The following CCDC141 variants were observed in gnomAD, a reference collection of about 807,000 sequenced individuals.
CCDC141 encodes coiled-coil domain-containing protein 141.
In CCDC141, 168 loss-of-function variants were observed where a neutral mutation model predicts 181.0. That is an observed-to-expected ratio of 0.93 (90% CI 0.82 to 1.05). The LOEUF (loss-of-function observed/expected upper bound fraction) is 1.05. Ranked by LOEUF, CCDC141 falls within the 50% of genes least tolerant of loss-of-function variation. The pLI, the probability that CCDC141 is intolerant of heterozygous loss-of-function variation, is 0.00. For synonymous variants in CCDC141, 666 were observed against 642.3 expected, an observed-to-expected ratio of 1.04 and a Z score of -0.56; for missense variants, 1,902 against 1,788.5, an observed-to-expected ratio of 1.06 and a Z score of -1.14.
At chr2:179,044,052 C>T (rs2043401453) in intron 2 of CCDC141, among the ~76,000 whole-genome samples, 1 of 152,146 alleles carries the variant, frequency 6.6e-6, no homozygotes, top group Admixed American at 6.5e-5. Context: ...AACTCCCATT[C>T]ACAATTGCCA....
rs534855692 is a variant in CCDC141 at position 178,834,447 on chromosome 2, C to A, written c.4326-7G>T. 6 of 1,534,124 alleles carry A rather than the reference C, an allele frequency of 3.9e-6. No individual in the cohort carries two copies. The highest frequency in any genetic ancestry group is 4.4e-6 in the Non-Finnish European group (5 of 1,145,142). On this transcript the variant is annotated splice_region_variant and splice_polypyrimidine_tract_variant and intron_variant, in intron 23 of 23. Coordinates refer to ENST00000443758, the MANE Select transcript of CCDC141 (RefSeq NM_173648.4). ...TTTCTGGCCCTTCTTGTACCTGAAG[C>A]AGAGAGGCAGTTTTTAAAGTCAGGA...
At chr2:178,921,799 C>T (rs980292795) in intron 6 of CCDC141, among the ~76,000 whole-genome samples, 2 of 152,136 alleles carry the variant, frequency 1.3e-5, no homozygotes, top group Non-Finnish European at 2.9e-5. Context: ...CTTTCTGTTT[C>T]GTTCTTTGTT....
intron 14 of CCDC141, among the ~76,000 whole-genome samples, chr2:178,869,653 G>C (rs1241534509): frequency 6.6e-6 from 1 of 152,178 alleles, no homozygotes; most frequent in Non-Finnish European, 1.5e-5. Flanking sequence ...GATTATCTCT[G>C]ATATTTAATA....
chr2:178,851,826 A>G (rs1685177003), intron 20 of CCDC141, among the ~76,000 whole-genome samples: 1 of 152,212 alleles, frequency 6.6e-6, no homozygotes, highest in Non-Finnish European at 1.5e-5. Context: ...TATAACAGCC[A>G]CAGCTCTTAG....
At chr2:178,919,306 T>A (rs1233326995) in intron 6 of CCDC141, among the ~76,000 whole-genome samples, 6 of 152,230 alleles carry the variant, frequency 3.9e-5, no homozygotes, top group Non-Finnish European at 8.8e-5. Flanking sequence ...ATTCAGAGAA[T>A]ATTTAGATAT....
chr2:178,853,541 C>T lies in CCDC141; in HGVS notation c.3144G>A (p.Val1048=). The T allele has an allele frequency of 6.2e-7, 1 of 1,614,130 alleles. No individual in the cohort carries two copies. The highest frequency in any genetic ancestry group is 8.5e-7 in the Non-Finnish European group (1 of 1,179,996). Reference sequence around the variant, plus strand: ...TATTAAACTGCTGGTGGAGAATTTTCACAGCTTCCTTTGTCTTGCACTCTG... The same window carrying T: ...TATTAAACTGCTGGTGGAGAATTTTTACAGCTTCCTTTGTCTTGCACTCTG... The part of the protein sequence containing the change: ...YSTECKTKEA[V]KILHQQFNKF... The change falls in exon 20 of 24, where the codon GTG becomes GTA. Residue 1048 remains valine, a synonymous_variant. Transcript: ENST00000443758.
At chr2:178,897,494 A>G (rs1224164602) in intron 8 of CCDC141, among the ~76,000 whole-genome samples, 1 of 152,234 alleles carries the variant, frequency 6.6e-6, no homozygotes, top group African/African-American at 2.4e-5. Flanking sequence ...ATGAAGATCT[A>G]CATTAAGAAG....
At chr2:178,894,945 T>C (rs905552111) in intron 8 of CCDC141, among the ~76,000 whole-genome samples, 2 of 152,184 alleles carry the variant, frequency 1.3e-5, no homozygotes, top group African/African-American at 4.8e-5. Context: ...TTTGAGATTA[T>C]TTGGAAAACA....
chr2:178,862,193 T>C (rs1258277660), intron 17 of CCDC141, among the ~76,000 whole-genome samples: 3 of 152,242 alleles, frequency 2.0e-5, no homozygotes, highest in African/African-American at 7.2e-5. Flanking sequence ...GGAACATATA[T>C]ACTAAGTCCT....
chr2:179,021,485 C>T (rs913021747), intron 2 of CCDC141, among the ~76,000 whole-genome samples: 6 of 152,218 alleles, frequency 3.9e-5, no homozygotes, highest in African/African-American at 4.8e-5. Context: ...ACAGCTGTCC[C>T]GAGTGGAAAT....
intron 2 of CCDC141, among the ~76,000 whole-genome samples, chr2:179,015,071 T>G (rs548700843): frequency 0.01 from 242 of 23,706 alleles, 12 homozygotes; most frequent in South Asian, 0.025. Flanking sequence ...GACAGAGATA[T>G]ATATATATAT....
At position 178,872,304 on chromosome 2, in the gene CCDC141, C is replaced by A. The variant is rs776225756; in HGVS notation, c.1908G>T (p.Glu636Asp). 2 of 1,605,318 alleles carry A rather than the reference C, an allele frequency of 1.2e-6. No homozygotes were observed. The highest frequency in any genetic ancestry group is 1.1e-5 in the South Asian group (1 of 88,640). The part of the protein sequence containing the change: ...EFLNLINMAK[E>D]NEILDVKNEV... ...CATTTTTCACATCTAATATCTCGTT[C>A]TCTTTTGCCTGTTAAATTAATAATT... is the stretch of plus-strand genomic sequence containing the variant. The change falls in exon 13 of 24, where the codon GAG becomes GAT. Residue 636 changes from glutamate (E) to aspartate (D), a missense_variant. By Grantham distance (45) the Glu-to-Asp change is conservative (BLOSUM62 2). Transcript: ENST00000443758.
Position 178,902,730 on chromosome 2 carries a change from G to A in CCDC141, c.1265+2599C>T, listed in dbSNP as rs574140992. Among the ~76,000 whole-genome samples, 32 of 150,340 alleles carry A rather than the reference G, an allele frequency of 2.1e-4. 1 individual carries two copies. Among genetic ancestry groups the A allele is most frequent in the South Asian group, 1.8e-3 (8 of 4,406 alleles). The stretch of plus-strand genomic sequence containing the variant: ...TCATGTCTAAACCACCAAAAGCAAT[G>A]GCAACAAAAGTCAAAATTGACAAAT... On this transcript the variant is annotated intron_variant, in intron 8 of 23. Coordinates refer to ENST00000443758, the MANE Select transcript of CCDC141 (RefSeq NM_173648.4).
intron 5 of CCDC141, among the ~76,000 whole-genome samples, chr2:178,951,207 G>A (rs1169547315): frequency 1.3e-5 from 2 of 152,184 alleles, no homozygotes; most frequent in Non-Finnish European, 2.9e-5. Flanking sequence ...CAAAGATATC[G>A]AAGGCATGGT....
chr2:178,958,974 AGAG>A (rs1435399025), intron 5 of CCDC141, among the ~76,000 whole-genome samples: 2 of 152,162 alleles, frequency 1.3e-5, no homozygotes, highest in African/African-American at 4.8e-5. Flanking sequence ...TGATAAAGCA[AGAG>A]GAGTTTTTAA....
chr2:178,915,492 T>C (rs1688405603), intron 7 of CCDC141, among the ~76,000 whole-genome samples: 1 of 152,192 alleles, frequency 6.6e-6, no homozygotes, highest in Non-Finnish European at 1.5e-5. Context: ...GACATAGAAA[T>C]TGAAAAAGTA....
At chr2:178,850,006 T>C (rs1388874234) in intron 21 of CCDC141, 43 bp downstream of exon 21, 1 of 1,079,360 alleles carries the variant, frequency 9.3e-7, no homozygotes, top group African/African-American at 1.6e-5. Context: ...CACATTTTTA[T>C]TTATTTTGCT....
chr2:179,044,177 ACATTCC>A, intron 2 of CCDC141, among the ~76,000 whole-genome samples: 1 of 152,348 alleles, frequency 6.6e-6, no homozygotes, highest in Admixed American at 6.5e-5. Flanking sequence ...AAATGGAAGA[ACATTCC>A]ATGCTCGTGG....
At chr2:178,826,173 A>C (rs539760906), downstream of CCDC141, among the ~76,000 whole-genome samples, 22 of 152,302 alleles carry the variant, frequency 1.4e-4, no homozygotes, top group South Asian at 4.6e-3. Context: ...TTATTTCTGC[A>C]TCAATTGACA....
Sources: gnomAD v4.1 joint callset for allele counts (sites outside exome capture counted in the v4.1 genomes callset) on GRCh38, gnomAD v4.1.1 for gene constraint, MANE v1.5 for transcripts, NCBI Gene and HGNC (gene_info 2026-07-23, HGNC 2026-07-21) for gene names.